ITPR2: variants seen among roughly 807,000 people sequenced by gnomAD.
ITPR2 encodes the protein inositol 1,4,5-trisphosphate receptor type 2.
A neutral mutation model predicts 317.1 loss-of-function variants in ITPR2; 207 were observed. That is an observed-to-expected ratio of 0.65 (90% CI 0.58 to 0.73). The LOEUF (loss-of-function observed/expected upper bound fraction) is 0.73, where lower values mean the gene tolerates loss of function less well. ITPR2 is among the 30% of genes least tolerant of loss of function. ITPR2 has a pLI of 0.00. For synonymous variants in ITPR2, 1,156 were observed against 1,149.1 expected, an observed-to-expected ratio of 1.01 and a Z score of -0.12; for missense variants, 2,613 against 3,284.0, an observed-to-expected ratio of 0.80 and a Z score of 4.99.
chr12:26,357,220 G>T (rs1167384855), intron 55 of ITPR2, among the ~76,000 whole-genome samples: 3 of 152,046 alleles, frequency 2.0e-5, no homozygotes, highest in African/African-American at 7.2e-5. Flanking sequence ...CAGGGTTGGG[G>T]TTTCAAGTCA....
intron 39 of ITPR2, among the ~76,000 whole-genome samples, chr12:26,491,178 G>C (rs987394910): frequency 4.6e-5 from 7 of 151,952 alleles, no homozygotes; most frequent in African/African-American, 7.2e-5. Context: ...CAGAAGAATA[G>C]CATGTTTTTG....
chr12:26,450,971 G>A (rs1182021384), intron 45 of ITPR2, among the ~76,000 whole-genome samples: 2 of 152,102 alleles, frequency 1.3e-5, no homozygotes, highest in Non-Finnish European at 2.9e-5. Context: ...ACAAATCTGT[G>A]TTTCTTGGAA....
intron 50 of ITPR2, among the ~76,000 whole-genome samples, chr12:26,417,160 C>T (rs900866018): frequency 5.3e-5 from 8 of 151,972 alleles, no homozygotes; most frequent in East Asian, 1.9e-4. Flanking sequence ...TACTTACATA[C>T]GATTTTTGAT....
chr12:26,672,088 C>T (rs560834855), intron 13 of ITPR2, among the ~76,000 whole-genome samples: 2 of 152,270 alleles, frequency 1.3e-5, no homozygotes, highest in Non-Finnish European at 2.9e-5. Context: ...TAGACTCCCA[C>T]ACATTAATAA....
At chr12:26,456,300 A>G (rs995773089) in intron 45 of ITPR2, among the ~76,000 whole-genome samples, 2 of 152,194 alleles carry the variant, frequency 1.3e-5, no homozygotes, top group African/African-American at 2.4e-5. Flanking sequence ...TTATACACTA[A>G]TTATATTGCA....
At chr12:26,805,344 A>G (rs1004310542) in intron 1 of ITPR2, among the ~76,000 whole-genome samples, 9 of 152,228 alleles carry the variant, frequency 5.9e-5, no homozygotes, top group Non-Finnish European at 1.3e-4. Context: ...AGTTATATGC[A>G]ATAAAGGTTA....
chr12:26,747,434 C>A (rs1018944582), intron 2 of ITPR2, among the ~76,000 whole-genome samples: 6 of 152,194 alleles, frequency 3.9e-5, no homozygotes, highest in African/African-American at 1.4e-4. Context: ...TTAAAACTAC[C>A]ACTTTTGTAG....
chr12:26,460,920 C>T (rs987457884), intron 45 of ITPR2, among the ~76,000 whole-genome samples: 5 of 152,146 alleles, frequency 3.3e-5, no homozygotes, highest in Admixed American at 6.5e-5. Context: ...GCCTCCATTT[C>T]CCCCACTTCT....
At chr12:26,594,150 G>T (rs888875812) in intron 32 of ITPR2, among the ~76,000 whole-genome samples, 2 of 152,160 alleles carry the variant, frequency 1.3e-5, no homozygotes, top group Admixed American at 6.5e-5. Flanking sequence ...AAAACAGGAC[G>T]ATTTCTCTAC....
At chr12:26,602,585 A>AACCTATAT (rs1183485847) in intron 27 of ITPR2, 32 bp downstream of exon 27, 1 of 1,574,276 alleles carries the variant, frequency 6.4e-7, no homozygotes, top group Non-Finnish European at 8.7e-7. Context: ...TGCAAATATA[A>AACCTATAT]ACCTATATAA....
chr12:26,482,751 T>C (rs1482146257), intron 42 of ITPR2, among the ~76,000 whole-genome samples: 5 of 152,070 alleles, frequency 3.3e-5, no homozygotes, highest in Non-Finnish European at 7.4e-5. Context: ...CATGTACACA[T>C]GTGTGTATAG....
At chr12:26,737,272 T>C (rs75354791) in intron 2 of ITPR2, among the ~76,000 whole-genome samples, 1,638 of 152,166 alleles carry the variant, frequency 0.011, 11 homozygotes, top group Non-Finnish European at 0.018. Flanking sequence ...TTCTTTCTTT[T>C]TTTTAATACG....
intron 46 of ITPR2, among the ~76,000 whole-genome samples, chr12:26,440,265 T>G (rs919423572): frequency 6.6e-6 from 1 of 152,108 alleles, no homozygotes; most frequent in Non-Finnish European, 1.5e-5. Flanking sequence ...ACAAAAGTTT[T>G]TTGTTGTTGT....
chr12:26,687,063 C>T (rs145871971), intron 10 of ITPR2, among the ~76,000 whole-genome samples: 1 of 152,268 alleles, frequency 6.6e-6, no homozygotes, highest in Non-Finnish European at 1.5e-5. Context: ...CATAATAATA[C>T]TTGGAGAGGA....
chr12:26,792,683 A>T (rs371190865), intron 1 of ITPR2, among the ~76,000 whole-genome samples: 2 of 152,300 alleles, frequency 1.3e-5, no homozygotes, highest in South Asian at 4.1e-4. Flanking sequence ...GGTGCAATAG[A>T]TACTAAATAA....
intron 2 of ITPR2, among the ~76,000 whole-genome samples, chr12:26,764,397 G>A (rs1949684357): frequency 6.6e-6 from 1 of 152,040 alleles, no homozygotes; most frequent in Non-Finnish European, 1.5e-5. Context: ...AAAAGACAGT[G>A]TCAATAGAAT....
Position 26,661,270 on chromosome 12 carries a change from GT to G in ITPR2, c.1714-1986del, listed in dbSNP as rs796923263. Reference sequence around the variant, plus strand: ...GAGTGATATGACTAGGTAGGGGTGTGTGTGTGGGGGGGGGGGGGTGGGAGGG... The same window carrying G: ...GAGTGATATGACTAGGTAGGGGTGTGGTGTGGGGGGGGGGGGGTGGGAGGG... On this transcript the variant is annotated intron_variant, in intron 15 of 56. Coordinates refer to ENST00000381340, the MANE Select transcript of ITPR2 (RefSeq NM_002223.4). Among the ~76,000 whole-genome samples, 665 of 75,630 alleles carry G rather than the reference GT, an allele frequency of 8.8e-3. 41 individuals are homozygous for G. Among genetic ancestry groups the G allele is most frequent in the East Asian group, 0.087 (99 of 1,140 alleles). 49.6% of individuals were successfully genotyped at this position (75,630 alleles called of 152,430 possible).
intron 2 of ITPR2, among the ~76,000 whole-genome samples, chr12:26,784,196 A>G (rs7967593): frequency 0.024 from 3,549 of 150,340 alleles, 142 homozygotes; most frequent in African/African-American, 0.082. Context: ...CGTTTTCACA[A>G]CTCTTCAGTA....
At chr12:26,499,501 A>G (rs1943024775) in intron 37 of ITPR2, among the ~76,000 whole-genome samples, 1 of 152,228 alleles carries the variant, frequency 6.6e-6, no homozygotes, top group South Asian at 2.1e-4. Flanking sequence ...TGTCAAATGA[A>G]ATTGTTAATA....
Sources: allele counts gnomAD v4.1 joint callset (sites outside exome capture counted in the v4.1 genomes callset), GRCh38; gene constraint gnomAD v4.1.1; transcripts MANE v1.5; gene names NCBI Gene and HGNC (gene_info 2026-07-23, HGNC 2026-07-21).